Variants in FBXW8 observed in about 807,000 individuals in gnomAD.
The protein encoded by FBXW8 is F-box and WD repeat domain containing 8.
FBXW8 carries 57 observed loss-of-function variants against 65.3 expected under a neutral mutation model. That is an observed-to-expected ratio of 0.87 (90% CI 0.71 to 1.09). The LOEUF is 1.09. Ranked by LOEUF, FBXW8 falls within the 50% of genes least tolerant of loss-of-function variation. The pLI is 0.00. For missense variants in FBXW8, 777 were observed against 814.8 expected (o/e 0.95, Z 0.57); for synonymous variants, 308 against 330.2 (o/e 0.93, Z 0.73).
chr12:116,940,484 G>A (rs535958483), intron 2 of FBXW8, among the ~76,000 whole-genome samples: 1 of 127,318 alleles, frequency 7.9e-6, no homozygotes, highest in South Asian at 2.6e-4. Context: ...GTGGTGGAAG[G>A]ATGGTGGGCT....
At chr12:116,917,726 C>CT (rs1283556741) in intron 1 of FBXW8, among the ~76,000 whole-genome samples, 1 of 152,046 alleles carries the variant, frequency 6.6e-6, no homozygotes. Context: ...GGCATGGTGG[C>CT]TTATGCCTGT....
intron 6 of FBXW8, among the ~76,000 whole-genome samples, chr12:116,987,708 C>CA (rs113837266): frequency 1.3e-5 from 2 of 151,816 alleles, no homozygotes; most frequent in East Asian, 1.9e-4. Flanking sequence ...AACAAACAAA[C>CA]AAAAAACACA....
intron 2 of FBXW8, among the ~76,000 whole-genome samples, chr12:116,932,320 C>G (rs531463241): frequency 6.6e-6 from 1 of 152,160 alleles, no homozygotes; most frequent in Non-Finnish European, 1.5e-5. Flanking sequence ...GCATTTTACA[C>G]AGGTGTTTAC....
At chr12:116,945,843 C>T (rs1259475904) in intron 3 of FBXW8, among the ~76,000 whole-genome samples, 1 of 152,186 alleles carries the variant, frequency 6.6e-6, no homozygotes, top group East Asian at 1.9e-4. Context: ...TTGACTTTCA[C>T]CGACTCTCTG....
At position 117,013,510 on chromosome 12, in the gene FBXW8, C is replaced by A. The variant is rs181954386; in HGVS notation, c.1367+3060C>A. ...TAATGGTACGGGGAGTGATGCACGT[C>A]GGCATTAGGGCTGGCTGCTCATGTC... On this transcript the variant is annotated intron_variant, in intron 8 of 10. Transcript: ENST00000652555. Among the ~76,000 whole-genome samples, 9 of 152,130 alleles carry A rather than the reference C, an allele frequency of 5.9e-5. No individual in the cohort carries two copies. The East Asian group carries it at 1.7e-3, about 29-fold the overall frequency.
At chr12:116,966,818 G>A (rs774125361) in intron 5 of FBXW8, among the ~76,000 whole-genome samples, 2 of 151,932 alleles carry the variant, frequency 1.3e-5, no homozygotes, top group African/African-American at 2.4e-5. Context: ...GGGTTCAAGT[G>A]ATTCTCCTTC....
In FBXW8 at chr12:116,936,129, T is replaced by C. The variant is rs1882139567; in HGVS notation, c.423+8002T>C. 6.6e-6 allele frequency among the ~76,000 whole-genome samples: 1 copy of C among 152,168 alleles called. No individual in the cohort carries two copies. Among genetic ancestry groups the C allele is most frequent in the Non-Finnish European group, 1.5e-5 (1 of 68,038 alleles). Reference sequence around the variant, plus strand: ...AGAGGTGATATGGGGGTTGCACTTTTGAGTGGCCAGGGAAGACTTTGCAGA... The same window carrying C: ...AGAGGTGATATGGGGGTTGCACTTTCGAGTGGCCAGGGAAGACTTTGCAGA... On this transcript the variant is annotated intron_variant, in intron 2 of 10. Transcript: ENST00000652555. This position sits in a 1 kb window ranked among gnomAD's most constrained non-coding sequence, Gnocchi z 4.6.
At chr12:116,997,784 G>C (rs1464676001) in intron 7 of FBXW8, among the ~76,000 whole-genome samples, 1 of 152,190 alleles carries the variant, frequency 6.6e-6, no homozygotes, top group African/African-American at 2.4e-5. Context: ...TGCTTCACAG[G>C]ATTCACTTTC....
chr12:116,951,454 C>T (rs561541595), intron 4 of FBXW8: 1 of 152,332 alleles, frequency 6.6e-6, no homozygotes, highest in South Asian at 2.1e-4. Flanking sequence ...CTCCAAGGAG[C>T]TTCTTAAAGA....
chr12:116,948,274 C>T (rs1350504925), intron 3 of FBXW8, among the ~76,000 whole-genome samples: 1 of 152,070 alleles, frequency 6.6e-6, no homozygotes, highest in African/African-American at 2.4e-5. Flanking sequence ...TTTTCCCTCA[C>T]AAGAGATTTT....
intron 8 of FBXW8, among the ~76,000 whole-genome samples, chr12:117,012,008 T>G (rs4094198): frequency 5.6e-4 from 85 of 152,312 alleles, no homozygotes; most frequent in Middle Eastern, 3.4e-3. Context: ...ATGGAGGATG[T>G]GTGTAGGTTA....
intron 8 of FBXW8, among the ~76,000 whole-genome samples, chr12:117,017,213 T>G (rs1038174460): frequency 1.3e-5 from 2 of 152,232 alleles, no homozygotes; most frequent in African/African-American, 4.8e-5. Context: ...TTTCTTGGCA[T>G]TATATACATT....
chr12:117,027,322 C>A, intron 9 of FBXW8, 72 bp from the exon 10 acceptor site: 1 of 1,168,410 alleles, frequency 8.6e-7, no homozygotes, highest in Non-Finnish European at 1.3e-6. Context: ...CAGCTCTGAA[C>A]TCCCAGGCCT....
At chr12:117,003,057 A>G (rs576927308) in intron 7 of FBXW8, 1 of 152,348 alleles carries the variant, frequency 6.6e-6, no homozygotes, top group South Asian at 2.1e-4. Flanking sequence ...TTTAAAAAGG[A>G]GCATCACTAG....
Position 117,010,466 on chromosome 12 carries a change from G to A in FBXW8, c.1367+16G>A. On this transcript the variant is annotated intron_variant, in intron 8 of 10. Coordinates refer to ENST00000652555, the MANE Select transcript of FBXW8 (RefSeq NM_153348.3). ...TGGACGGGAGGTACGTGAGTTGGAA[G>A]GGCATTGCCTTGCAGCCCCATGGCT... 1 of 1,614,204 alleles carries A rather than the reference G, an allele frequency of 6.2e-7. No individual in the cohort carries two copies. Among genetic ancestry groups the A allele is most frequent in the Non-Finnish European group, 8.5e-7 (1 of 1,180,036 alleles).
intron 7 of FBXW8, among the ~76,000 whole-genome samples, chr12:117,009,712 G>C (rs113644806): frequency 2.4e-4 from 37 of 152,258 alleles, no homozygotes; most frequent in African/African-American, 8.9e-4. Context: ...GAAATCAGGG[G>C]TACCTTCTTA....
chr12:116,956,155 T>C (rs996011724), intron 4 of FBXW8, among the ~76,000 whole-genome samples: 2 of 152,220 alleles, frequency 1.3e-5, no homozygotes, highest in Non-Finnish European at 2.9e-5. Context: ...TTGAGGTTTT[T>C]TTCATTACTC....
chr12:116,964,928 T>TC, intron 5 of FBXW8, 74 bp downstream of exon 5: 2 of 1,464,036 alleles, frequency 1.4e-6, no homozygotes, highest in South Asian at 1.4e-5. Flanking sequence ...TGTGGCCGGC[T>TC]CCCCCCTGTA....
intron 5 of FBXW8, among the ~76,000 whole-genome samples, chr12:116,976,239 T>A (rs1884920973): frequency 6.6e-6 from 1 of 152,198 alleles, no homozygotes; most frequent in Non-Finnish European, 1.5e-5. Context: ...GCTTTTCTGC[T>A]GTCTGGCTGA....
Sources: gnomAD v4.1 joint callset for allele counts (sites outside exome capture counted in the v4.1 genomes callset) on GRCh38, gnomAD v4.1.1 for gene constraint, Gnocchi (gnomAD v3.1) non-coding constraint, MANE v1.5 for transcripts, NCBI Gene and HGNC (gene_info 2026-07-23, HGNC 2026-07-21) for gene names.